KIAA0319: variants seen among roughly 807,000 people sequenced by gnomAD.
The protein encoded by KIAA0319 is dyslexia-associated protein KIAA0319.
KIAA0319 carries 83 observed loss-of-function variants against 108.4 expected under a neutral mutation model. The observed-to-expected ratio is 0.77, with a 90% CI of 0.64 to 0.92. The LOEUF is 0.92. Among genes scored for constraint, KIAA0319 ranks in the 40% least tolerant of loss-of-function variants. The pLI is 0.00. For missense variants in KIAA0319, 1,195 were observed against 1,322.4 expected (o/e 0.90, Z 1.49); for synonymous variants, 484 against 510.4 (o/e 0.95, Z 0.70).
intron 14 of KIAA0319, among the ~76,000 whole-genome samples, chr6:24,565,973 G>T (rs1763855301): frequency 6.6e-6 from 1 of 152,160 alleles, no homozygotes; most frequent in Non-Finnish European, 1.5e-5. Context: ...ACCTCAAAGT[G>T]CTTCCAAGCT....
intron 18 of KIAA0319, 130 bp downstream of exon 18, chr6:24,556,476 AT>A: frequency 5.9e-6 from 6 of 1,011,044 alleles, no homozygotes; most frequent in South Asian, 1.7e-5. Context: ...TTATTTTGTT[AT>A]TTTTTTGTAA....
Position 24,596,042 on chromosome 6 carries a change from T to A in KIAA0319, c.632A>T (p.Gln211Leu). 1 of 1,614,146 alleles carries A rather than the reference T, an allele frequency of 6.2e-7. No homozygotes were observed. The highest frequency in any genetic ancestry group is 8.5e-7 in the Non-Finnish European group (1 of 1,179,996). ...DSPAVPAETQ[Q>L]DPELHYLNES... ...ATTCAGGTAATGGAGCTCAGGGTCC[T>A]GCTGCGTCTCCGCTGGCACCGCAGG... Residue 211 changes from glutamine to leucine, a missense_variant, in exon 3 of 21, where the codon CAG becomes CTG. Coordinates refer to ENST00000378214, the MANE Select transcript of KIAA0319 (RefSeq NM_014809.4).
intron 4 of KIAA0319, 80 bp from the exon 5 acceptor site, chr6:24,583,782 G>A: frequency 1.1e-6 from 1 of 879,096 alleles, no homozygotes; most frequent in Non-Finnish European, 1.8e-6. Context: ...ATCTGTTTTT[G>A]GTATCCATAA....
chr6:24,602,263 C>T (rs1470558993), intron 1 of KIAA0319, among the ~76,000 whole-genome samples: 3 of 152,148 alleles, frequency 2.0e-5, no homozygotes, highest in Non-Finnish European at 2.9e-5. Flanking sequence ...GTGATCTGCC[C>T]GTCTTGGCCT....
In KIAA0319 at chr6:24,556,723, A is replaced by G. The variant is rs764993564; in HGVS notation, c.2741T>C (p.Leu914Pro). The G allele has an allele frequency of 6.2e-7, 1 of 1,613,560 alleles. No individual in the cohort carries two copies. The highest frequency in any genetic ancestry group is 8.5e-7 in the Non-Finnish European group (1 of 1,179,838). ...KVLRVDTAGC[L>P]LKCSGHGHCD... ...GTGACCATGGCCAGAACACTTCAGAAGGCAACCTGCAAAGAGGTGTGTAGG... is the reference window on the plus strand; with the variant it reads ...GTGACCATGGCCAGAACACTTCAGAGGGCAACCTGCAAAGAGGTGTGTAGG... The change falls in exon 18 of 21, where the codon CTT (leucine) becomes CCT (proline). Residue 914 changes from leucine to proline, a missense_variant. Transcript: ENST00000378214.
At chr6:24,570,177 G>A in intron 11 of KIAA0319, 142 bp from the exon 12 acceptor site, 1 of 756,654 alleles carries the variant, frequency 1.3e-6, no homozygotes, top group East Asian at 2.7e-5. Flanking sequence ...ATCCTGGAGT[G>A]AAGCACTGCA....
At position 24,547,193 on chromosome 6, in the gene KIAA0319, G is replaced by A. The variant is rs761460863; in HGVS notation, c.3191C>T (p.Ser1064Phe). The change falls in exon 21 of 21, where the codon TCC becomes TTC. Residue 1064 changes from serine (S) to phenylalanine (F), a missense_variant. Coordinates refer to ENST00000378214, the MANE Select transcript of KIAA0319 (RefSeq NM_014809.4). ...SMNGSIRNGA[S>F]FSYCSKDR ...TCTGTCCTTTGAGCAATAACTGAAGGAAGCTCCATTTCTGATGGAACCATT... is the reference window on the plus strand; with the variant it reads ...TCTGTCCTTTGAGCAATAACTGAAGAAAGCTCCATTTCTGATGGAACCATT... 8 of 1,614,130 alleles carry A rather than the reference G, an allele frequency of 5.0e-6. No homozygotes were observed. The Admixed American group carries it at 1.2e-4, about 24-fold the overall frequency.
chr6:24,572,814 C>G, intron 10 of KIAA0319, 116 bp from the exon 11 acceptor site: 1 of 1,072,226 alleles, frequency 9.3e-7, no homozygotes, highest in South Asian at 1.8e-5. Flanking sequence ...AGAGATCTTG[C>G]TCAAAAAAGA....
At chr6:24,543,288 C>T (rs1561886507), downstream of KIAA0319, among the ~76,000 whole-genome samples, 1 of 152,160 alleles carries the variant, frequency 6.6e-6, no homozygotes, top group African/African-American at 2.4e-5. Flanking sequence ...AGGGGGATTA[C>T]AAAGAGCCAC....
intron 3 of KIAA0319, 86 bp from the exon 4 acceptor site, chr6:24,588,871 ATAAAT>A: frequency 2.7e-6 from 3 of 1,094,656 alleles, no homozygotes; most frequent in East Asian, 2.4e-5. Flanking sequence ...AACCTTTTTC[ATAAAT>A]TAGCTTTGGT....
intron 1 of KIAA0319, among the ~76,000 whole-genome samples, chr6:24,604,387 C>A (rs921128416): frequency 2.0e-5 from 3 of 152,228 alleles, no homozygotes; most frequent in African/African-American, 7.2e-5. Context: ...AATAGCAACA[C>A]TGCTATCAGC....
chr6:24,573,074 A>G (rs968811086), intron 10 of KIAA0319, among the ~76,000 whole-genome samples: 1 of 152,200 alleles, frequency 6.6e-6, no homozygotes, highest in African/African-American at 2.4e-5. Context: ...GTGGGCTGAG[A>G]CTGCACCACT....
intron 1 of KIAA0319, among the ~76,000 whole-genome samples, chr6:24,629,514 C>CAAAAAAAAAAAAAAAAA (rs397974257): frequency 3.5e-4 from 15 of 42,298 alleles, no homozygotes; most frequent in South Asian, 1.1e-3. Context: ...GACTCTGTCT[C>CAAAAAAAAAAAAAAAAA]AAAAAAAAAA....
rs1240795816 is a variant in KIAA0319 at position 24,583,637 on chromosome 6, G to C, written c.1060C>G (p.Leu354Val). The C allele has an allele frequency of 2.5e-6, 4 of 1,613,746 alleles. No individual in the cohort carries two copies. In the African/African-American group the frequency reaches 5.3e-5, roughly 22 times the overall value. The change falls in exon 5 of 21, where the codon CTG (leucine) becomes GTG (valine). Residue 354 changes from leucine to valine, a missense_variant. Transcript: ENST00000378214. ...IITLPDNEVE[L>V]KAFVAPAPPV... ...GGCGCTGGCGCAACAAAGGCCTTCA[G>C]TTCAACTTCATTGTCGGGTAAAGTT... is the stretch of plus-strand genomic sequence containing the variant.
At position 24,563,456 on chromosome 6, in the gene KIAA0319, GCT is replaced by G; in HGVS notation, c.2492_2493del (p.Glu831AlafsTer22). 3 of 1,613,464 alleles carry G rather than the reference GCT, an allele frequency of 1.9e-6. No individual in the cohort carries two copies. The highest frequency in any genetic ancestry group is 2.5e-6 in the Non-Finnish European group (3 of 1,179,902). On this transcript the variant is annotated frameshift_variant, in exon 16 of 21. Coordinates refer to ENST00000378214, the MANE Select transcript of KIAA0319 (RefSeq NM_014809.4). LOFTEE classifies it high-confidence loss of function. ...TGCCTCACAAGGGTGTCCTTCCGCT[GCT>G]CTGTCAGCTGCCCAACACCAACCTG... Reference protein sequence around the residue: ...TLQVGVGQLTEQRKDTLVRQL... With the variant: ...TLQVGVGQLTXQRKDTLVRQL...
rs537852642 is a variant in KIAA0319, at chr6:24,646,103, A to T, written c.-473T>A. The T allele has an allele frequency of 6.6e-6, 1 of 152,408 alleles. No individual in the cohort carries two copies. The highest frequency in any genetic ancestry group is 2.1e-4 in the South Asian group (1 of 4,836). The allele number at this position is 152,408 out of a possible 1,614,324, so 9.4% of individuals were successfully genotyped here. On this transcript the variant is annotated 5_prime_UTR_variant, in exon 1 of 21. Transcript: ENST00000378214. ...CAGCCAGGCCCGCCGAGGGCAGCAC[A>T]GGTGGAGCAAGGTTGCACCCCCGGG... is the stretch of plus-strand genomic sequence containing the variant.
Position 24,599,333 on chromosome 6 carries a change from G to A in KIAA0319, c.55+1716C>T, listed in dbSNP as rs1770248026. 25 of 509,796 alleles carry A rather than the reference G, an allele frequency of 4.9e-5. No individual in the cohort carries two copies. The highest frequency in any genetic ancestry group is 4.4e-4 in the South Asian group (25 of 56,596). 31.6% of individuals were successfully genotyped at this position (509,796 alleles called of 1,614,324 possible). A position where few individuals can be genotyped will look rare whatever the true frequency, so the allele number is the denominator to read the frequency against. On this transcript the variant is annotated intron_variant, in intron 2 of 20. Coordinates refer to ENST00000378214, the MANE Select transcript of KIAA0319 (RefSeq NM_014809.4). The surrounding 1 kb of genome is among the most constrained non-coding windows in gnomAD (Gnocchi z 4.1). ...CTGAGACTGAGGGCCTCAAAGGCTA[G>A]AGGGCTTCCCTAGAGGCCACCATTG...
chr6:24,575,350 T>A (rs1024376858), intron 10 of KIAA0319, among the ~76,000 whole-genome samples: 1 of 152,120 alleles, frequency 6.6e-6, no homozygotes, highest in African/African-American at 2.4e-5. Context: ...TTCCTAATAA[T>A]TAAGTAAAAG....
At chr6:24,555,287 A>T (rs1261894075) in intron 18 of KIAA0319, among the ~76,000 whole-genome samples, 1 of 152,174 alleles carries the variant, frequency 6.6e-6, no homozygotes, top group African/African-American at 2.4e-5. Flanking sequence ...ACTTGAGGTC[A>T]GGAGTTTGAG....
Sources: allele counts gnomAD v4.1 joint callset (sites outside exome capture counted in the v4.1 genomes callset), GRCh38; gene constraint gnomAD v4.1.1; non-coding constraint Gnocchi (gnomAD v3.1); transcripts MANE v1.5; gene names NCBI Gene and HGNC (gene_info 2026-07-23, HGNC 2026-07-21).